The following TRDMT1 variants were observed in gnomAD, a reference collection of about 807,000 sequenced individuals.
TRDMT1 encodes the protein tRNA (cytosine(38)-C(5))-methyltransferase.
Under a neutral mutation model 51.2 loss-of-function variants are expected in TRDMT1, and 49 were observed. That is an observed-to-expected ratio of 0.96 (90% CI 0.76 to 1.21). TRDMT1 has a LOEUF of 1.21. TRDMT1 is among the 50% of genes most tolerant of loss of function. The pLI is 0.00. For synonymous variants in TRDMT1, 187 were observed against 164.6 expected, an observed-to-expected ratio of 1.14 and a Z score of -1.04; for missense variants, 534 against 462.3, an observed-to-expected ratio of 1.16 and a Z score of -1.42.
chr10:17,143,039 C>A lies in TRDMT1; in HGVS notation c.*6001G>T. 2 of 985,396 alleles carry A rather than the reference C, an allele frequency of 2.0e-6. No individual in the cohort carries two copies. Among genetic ancestry groups the A allele is most frequent in the African/African-American group, 1.7e-5 (1 of 57,350 alleles). 61.0% of individuals were successfully genotyped at this position (985,396 alleles called of 1,614,324 possible). ...CTTTCCAAAAGCCAAAAGCCTATCCCAGAATTATTTTTTAAATCATGTGTT... is the reference window on the plus strand; with the variant it reads ...CTTTCCAAAAGCCAAAAGCCTATCCAAGAATTATTTTTTAAATCATGTGTT... On this transcript the variant is annotated 3_prime_UTR_variant, in exon 11 of 11. Coordinates refer to ENST00000377799, the MANE Select transcript of TRDMT1 (RefSeq NM_004412.7).
intron 1 of TRDMT1, among the ~76,000 whole-genome samples, chr10:17,181,677 T>C (rs1372999107): frequency 3.9e-5 from 1 of 25,532 alleles, no homozygotes; most frequent in Non-Finnish European, 1.5e-4. Flanking sequence ...GACATTTAGG[T>C]CAAATTTTTT....
rs573896595 is a variant in TRDMT1 at position 17,156,273 on chromosome 10, C to T, written c.887+1168G>A. 1.1e-4 allele frequency among the ~76,000 whole-genome samples: 17 copies of T among 151,290 alleles called. No individual in the cohort carries two copies. The East Asian group carries it at 1.2e-3, about 10-fold the overall frequency. On this transcript the variant is annotated intron_variant, in intron 8 of 10. Coordinates refer to ENST00000377799, the MANE Select transcript of TRDMT1 (RefSeq NM_004412.7). ...TTTTTGAGACAGAGTCTCACTCTGT[C>T]GCCCAGGCTGGAGTGCAGGGATATG...
At chr10:17,152,502 A>C (rs1838881242) in intron 10 of TRDMT1, among the ~76,000 whole-genome samples, 1 of 152,248 alleles carries the variant, frequency 6.6e-6, no homozygotes, top group Admixed American at 6.5e-5. Context: ...TTAATATTAC[A>C]AAAGTATTGG....
intron 1 of TRDMT1, among the ~76,000 whole-genome samples, chr10:17,185,814 C>G (rs1843815207): frequency 6.6e-6 from 1 of 151,990 alleles, no homozygotes; most frequent in Admixed American, 6.6e-5. Flanking sequence ...GGACAGAAAA[C>G]CAAACACCAC....
chr10:17,167,270 T>C (rs1841347068), intron 3 of TRDMT1, among the ~76,000 whole-genome samples: 1 of 152,214 alleles, frequency 6.6e-6, no homozygotes, highest in Non-Finnish European at 1.5e-5. Context: ...GGCATTAGAA[T>C]ATTCATTCAC....
rs143466858 is a variant in TRDMT1, at chr10:17,199,754, G to A, written c.64+1817C>T. On this transcript the variant is annotated intron_variant, in intron 1 of 10. Coordinates refer to ENST00000377799, the MANE Select transcript of TRDMT1 (RefSeq NM_004412.7). ...GCTAGAAGGAAAACGGAGTAGGGAG[G>A]CAGAATGGAAGTAAGGAGAGAAGCT... Among the ~76,000 whole-genome samples the A allele has an allele frequency of 5.3e-5, 8 of 152,314 alleles. No homozygotes were observed. The East Asian group carries it at 1.5e-3, about 29-fold the overall frequency.
At chr10:17,182,109 A>G (rs538362640) in intron 1 of TRDMT1, among the ~76,000 whole-genome samples, 1 of 152,222 alleles carries the variant, frequency 6.6e-6, no homozygotes, top group Non-Finnish European at 1.5e-5. Context: ...TTGTGTAACT[A>G]TTAATAGCAA....
At chr10:17,165,963 G>C (rs1230527518) in intron 3 of TRDMT1, among the ~76,000 whole-genome samples, 9 of 151,984 alleles carry the variant, frequency 5.9e-5, no homozygotes, top group East Asian at 1.9e-4. Context: ...GTCAGTGTGG[G>C]GATTCCTCAG....
chr10:17,153,471 T>C (rs1230914946), intron 10 of TRDMT1, 36 bp downstream of exon 10: 6 of 1,608,236 alleles, frequency 3.7e-6, no homozygotes, highest in Non-Finnish European at 3.4e-6. Context: ...AGAGTTTTAA[T>C]ACATGAAAGC....
Position 17,146,427 on chromosome 10 carries a change from C to G in TRDMT1, c.*2613G>C. ...GCCTGCCACTGAGGATTGTCAGGCT[C>G]TGACCCCTCCTACAATGACTACCCA... On this transcript the variant is annotated 3_prime_UTR_variant, in exon 11 of 11. Transcript: ENST00000377799. 1 of 985,420 alleles carries G rather than the reference C, an allele frequency of 1.0e-6. No individual in the cohort carries two copies. Among genetic ancestry groups the G allele is most frequent in the South Asian group, 4.7e-5 (1 of 21,292 alleles). The allele number at this position is 985,420 out of a possible 1,614,324, so 61.0% of individuals were successfully genotyped here.
rs1471921525 is a variant in TRDMT1 at position 17,139,485 on chromosome 10, G to C, written c.*9555C>G. Among the ~76,000 whole-genome samples the C allele has an allele frequency of 4.0e-5, 6 of 151,862 alleles. No individual in the cohort carries two copies. Among genetic ancestry groups the C allele is most frequent in the Non-Finnish European group, 5.9e-5 (4 of 67,966 alleles). ...GAGGTGAGGATGTCACCACCGATGG[G>C]GGGAAGAAAAAAACAGTTTGGTTCT... On this transcript the variant is annotated 3_prime_UTR_variant, in exon 11 of 11. Transcript: ENST00000377799.
intron 1 of TRDMT1, among the ~76,000 whole-genome samples, chr10:17,192,114 G>C (rs900668508): frequency 6.6e-6 from 1 of 152,178 alleles, no homozygotes; most frequent in Non-Finnish European, 1.5e-5. Context: ...AGAGATTATA[G>C]ATCAGGTGGT....
Position 17,161,564 on chromosome 10 carries a change from CAA to C in TRDMT1, c.324-18_324-17del. On this transcript the variant is annotated splice_polypyrimidine_tract_variant and intron_variant, in intron 4 of 10. Transcript: ENST00000377799. ...TTTTTGTAATCTATAAAAAAATAAACAAATGGAATTCTAAATATCTCATTACT... is the reference window on the plus strand; with the variant it reads ...TTTTTGTAATCTATAAAAAAATAAACATGGAATTCTAAATATCTCATTACT... 8.4e-7 allele frequency: 1 copy of C among 1,194,460 alleles called. No homozygotes were observed. Among genetic ancestry groups the C allele is most frequent in the Non-Finnish European group, 1.1e-6 (1 of 878,484 alleles). 74.0% of individuals were successfully genotyped at this position (1,194,460 alleles called of 1,614,324 possible). A position where few individuals can be genotyped will look rare whatever the true frequency, so the allele number is the denominator to read the frequency against.
intron 10 of TRDMT1, chr10:17,150,916 T>G (rs1838612921): frequency 1.0e-6 from 1 of 985,352 alleles, no homozygotes. Context: ...CCAGAGATGA[T>G]CTTTTGCAAT....
intron 5 of TRDMT1, among the ~76,000 whole-genome samples, chr10:17,160,725 C>A (rs781046191): frequency 2.0e-5 from 3 of 152,184 alleles, no homozygotes; most frequent in Non-Finnish European, 4.4e-5. Context: ...CCCGCCTCGG[C>A]CTCCCAAAGT....
At chr10:17,164,858 T>C (rs1482466618) in intron 3 of TRDMT1, among the ~76,000 whole-genome samples, 1 of 152,054 alleles carries the variant, frequency 6.6e-6, no homozygotes, top group Non-Finnish European at 1.5e-5. Flanking sequence ...CACTGCTCAA[T>C]GACATAAAAG....
Position 17,159,172 on chromosome 10 carries a change from G to A in TRDMT1, c.517C>T (p.Pro173Ser). Residue 173 changes from proline (P) to serine (S), a missense_variant, in exon 7 of 11, where the codon CCA (proline) becomes TCA (serine). Pro to Ser is a moderately conservative substitution (Grantham distance 74). Coordinates refer to ENST00000377799, the MANE Select transcript of TRDMT1 (RefSeq NM_004412.7). ...TGACCAGGGGCTTGAAAGGGTAATG[G>A]CTCTGACTGAAGCTTTGCAATAAGA... is the stretch of plus-strand genomic sequence containing the variant. ...YFLIAKLQSE[P>S]LPFQAPGQVL... is the part of the protein sequence containing the mutation. 6.2e-7 allele frequency: 1 copy of A among 1,603,550 alleles called. No homozygotes were observed. The highest frequency in any genetic ancestry group is 1.7e-5 in the Admixed American group (1 of 58,870).
At chr10:17,174,772 C>G (rs1842435909) in intron 1 of TRDMT1, 112 bp from the exon 2 acceptor site, 1 of 838,066 alleles carries the variant, frequency 1.2e-6, no homozygotes, top group South Asian at 1.5e-5. Flanking sequence ...ATTTATTAGC[C>G]TCATCTCAGA....
chr10:17,177,571 C>T (rs766908703), intron 1 of TRDMT1, among the ~76,000 whole-genome samples: 18 of 152,014 alleles, frequency 1.2e-4, no homozygotes, highest in African/African-American at 3.9e-4. Context: ...AAGGACATCA[C>T]GCTTCCATTT....
Sources: allele counts gnomAD v4.1 joint callset (sites outside exome capture counted in the v4.1 genomes callset), GRCh38; gene constraint gnomAD v4.1.1; transcripts MANE v1.5; gene names NCBI Gene and HGNC (gene_info 2026-07-23, HGNC 2026-07-21).